The following CDH8 variants were observed in gnomAD, a reference collection of about 807,000 sequenced individuals.
CDH8 encodes cadherin-8.
Under a neutral mutation model 68.1 loss-of-function variants are expected in CDH8, and 17 were observed. That is an observed-to-expected ratio of 0.25 (90% CI 0.17 to 0.37). The LOEUF is 0.37. Among genes scored for constraint, CDH8 ranks in the 10% least tolerant of loss-of-function variants. The probability of loss-of-function intolerance (pLI) is 1.00; values close to 1 mark genes in which losing one functional copy is unlikely to be tolerated. For synonymous variants in CDH8, 372 were observed against 365.1 expected (o/e 1.02, Z -0.21); for missense variants, 763 against 999.3 (o/e 0.76, Z 3.19).
chr16:61,890,465 T>G (rs957779000), intron 3 of CDH8, among the ~76,000 whole-genome samples: 1 of 152,068 alleles, frequency 6.6e-6, no homozygotes, highest in Non-Finnish European at 1.5e-5. Flanking sequence ...TTAATCTTAA[T>G]AAATCTGAAA....
chr16:62,024,346 C>T (rs187238581), intron 1 of CDH8, among the ~76,000 whole-genome samples: 4 of 152,070 alleles, frequency 2.6e-5, no homozygotes, highest in Non-Finnish European at 4.4e-5. Flanking sequence ...ACTCATGGTA[C>T]GTCAGATAGG....
At chr16:61,793,649 AT>A (rs1961434257) in intron 7 of CDH8, among the ~76,000 whole-genome samples, 1 of 151,858 alleles carries the variant, frequency 6.6e-6, no homozygotes, top group African/African-American at 2.4e-5. Context: ...TATCCAGTCT[AT>A]TGTTGATGGG....
chr16:61,831,070 C>T (rs1962444303), intron 4 of CDH8, among the ~76,000 whole-genome samples: 1 of 151,772 alleles, frequency 6.6e-6, no homozygotes, highest in Admixed American at 6.6e-5. Context: ...GGAAAAATCA[C>T]ACTTGGTATT....
intron 10 of CDH8, among the ~76,000 whole-genome samples, chr16:61,680,676 T>C (rs533898192): frequency 1.3e-5 from 2 of 151,898 alleles, no homozygotes; most frequent in South Asian, 4.1e-4. Context: ...CTATGACATA[T>C]GTAATTTTAA....
At chr16:61,904,949 C>A (rs557602927) in intron 2 of CDH8, among the ~76,000 whole-genome samples, 1 of 152,290 alleles carries the variant, frequency 6.6e-6, no homozygotes, top group Non-Finnish European at 1.5e-5. Context: ...GAGCAGGAAC[C>A]CTATTGTGAA....
At chr16:61,765,305 T>C (rs1960561017) in intron 8 of CDH8, among the ~76,000 whole-genome samples, 1 of 152,030 alleles carries the variant, frequency 6.6e-6, no homozygotes, top group South Asian at 2.1e-4. Flanking sequence ...AGAGATGATC[T>C]TCAAATACTT....
At chr16:61,992,262 TA>T (rs1418377551) in intron 2 of CDH8, among the ~76,000 whole-genome samples, 2 of 151,476 alleles carry the variant, frequency 1.3e-5, no homozygotes, top group African/African-American at 4.9e-5. Context: ...TATGCAGCCA[TA>T]AAAAATGATG....
intron 7 of CDH8, among the ~76,000 whole-genome samples, chr16:61,799,364 C>A (rs190326588): frequency 1.3e-4 from 20 of 152,250 alleles, no homozygotes; most frequent in Admixed American, 1.3e-3. Context: ...AGATCCAGTA[C>A]TCATATTTAA....
intron 8 of CDH8, among the ~76,000 whole-genome samples, chr16:61,729,654 T>C (rs974484148): frequency 6.6e-6 from 1 of 151,338 alleles, no homozygotes; most frequent in Non-Finnish European, 1.5e-5. Context: ...TCATTCGACA[T>C]CCTAGACCAA....
intron 8 of CDH8, among the ~76,000 whole-genome samples, chr16:61,782,439 C>T (rs1276681422): frequency 6.8e-4 from 103 of 151,078 alleles, no homozygotes; most frequent in Non-Finnish European, 1.2e-3. Context: ...GAGGGTCCTA[C>T]GCCCACGGAG....
At chr16:61,912,106 G>C (rs141067262) in intron 2 of CDH8, among the ~76,000 whole-genome samples, 9 of 151,934 alleles carry the variant, frequency 5.9e-5, no homozygotes, top group African/African-American at 2.2e-4. Context: ...ATAGCACAGC[G>C]GGAAGGAACA....
chr16:62,029,854 T>C (rs1480742228), intron 1 of CDH8, among the ~76,000 whole-genome samples: 1 of 152,200 alleles, frequency 6.6e-6, no homozygotes. Flanking sequence ...GCAACTAACT[T>C]TTTCTATTTA....
intron 2 of CDH8, among the ~76,000 whole-genome samples, chr16:61,917,800 G>A (rs968983254): frequency 6.6e-6 from 1 of 151,960 alleles, no homozygotes; most frequent in Admixed American, 6.6e-5. Context: ...CTGTAAAGTT[G>A]GTGACAAGAT....
intron 2 of CDH8, among the ~76,000 whole-genome samples, chr16:61,974,295 G>A (rs1201664636): frequency 6.6e-6 from 1 of 152,186 alleles, no homozygotes; most frequent in Non-Finnish European, 1.5e-5. Flanking sequence ...GTGAACACAG[G>A]CATCCTGAAC....
chr16:62,024,832 C>T (rs1026514936), intron 1 of CDH8, among the ~76,000 whole-genome samples: 1 of 152,140 alleles, frequency 6.6e-6, no homozygotes, highest in Non-Finnish European at 1.5e-5. Flanking sequence ...ATTATTTGAA[C>T]CTAAGTAATG....
At chr16:61,708,944 C>T (rs865811934) in intron 10 of CDH8, among the ~76,000 whole-genome samples, 8 of 152,020 alleles carry the variant, frequency 5.3e-5, no homozygotes, top group South Asian at 2.1e-4. Flanking sequence ...CTGTGTGTTG[C>T]GCTTTGAAAA....
chr16:61,757,022 C>T (rs1960336750), intron 8 of CDH8, among the ~76,000 whole-genome samples: 1 of 152,224 alleles, frequency 6.6e-6, no homozygotes, highest in Non-Finnish European at 1.5e-5. Flanking sequence ...GAAGGGTAGA[C>T]ATGACATTTG....
intron 7 of CDH8, among the ~76,000 whole-genome samples, chr16:61,791,073 G>C (rs1484424817): frequency 6.6e-6 from 1 of 151,820 alleles, no homozygotes; most frequent in Non-Finnish European, 1.5e-5. Flanking sequence ...TGTTTATTGA[G>C]AAATCATTTG....
At chr16:61,945,437 T>TTA (rs1682011466) in intron 2 of CDH8, among the ~76,000 whole-genome samples, 1 of 120,456 alleles carries the variant, frequency 8.3e-6, no homozygotes, top group Non-Finnish European at 1.7e-5. Context: ...GATGCATGAT[T>TTA]AAAAAAAAAA....
Sources: allele counts gnomAD v4.1 joint callset (sites outside exome capture counted in the v4.1 genomes callset), GRCh38; gene constraint gnomAD v4.1.1; transcripts MANE v1.5; gene names NCBI Gene and HGNC (gene_info 2026-07-23, HGNC 2026-07-21).